The following CCDC170 variants were observed in gnomAD, a reference collection of about 807,000 sequenced individuals.
CCDC170 encodes the protein coiled-coil domain containing 170.
In CCDC170, 69 loss-of-function variants were observed where a neutral mutation model predicts 72.6. The ratio of observed to expected loss-of-function variants is 0.95; its 90% CI spans 0.78 to 1.16. CCDC170 has a LOEUF of 1.16. Among genes scored for constraint, CCDC170 ranks in the 50% most tolerant of loss-of-function variants. CCDC170 has a pLI of 0.00. For missense variants in CCDC170, 852 were observed against 832.5 expected (o/e 1.02, Z -0.29); for synonymous variants, 300 against 303.9 (o/e 0.99, Z 0.13).
chr6:151,497,283 A>G (rs1781924566), intron 1 of CCDC170, among the ~76,000 whole-genome samples: 1 of 152,224 alleles, frequency 6.6e-6, no homozygotes, highest in Non-Finnish European at 1.5e-5. Flanking sequence ...TGGGAGGCTG[A>G]GGTGGGAGGA....
At chr6:151,611,599 G>A (rs1488337394) in intron 9 of CCDC170, among the ~76,000 whole-genome samples, 6 of 148,690 alleles carry the variant, frequency 4.0e-5, no homozygotes, top group African/African-American at 1.5e-4. Flanking sequence ...TATCATCATT[G>A]TGGAGGTTAG....
intron 9 of CCDC170, among the ~76,000 whole-genome samples, chr6:151,606,943 T>C (rs1490051337): frequency 6.6e-6 from 1 of 152,168 alleles, no homozygotes; most frequent in African/African-American, 2.4e-5. Context: ...ATTTTGGCTT[T>C]TGTTTGCTGA....
chr6:151,542,346 T>C (rs4870035), intron 3 of CCDC170, among the ~76,000 whole-genome samples: 90,537 of 151,994 alleles, frequency 0.6, 29,856 homozygotes, highest in Admixed American at 0.72. Context: ...TTAGCCTCTT[T>C]TGTAGCTGAG....
At chr6:151,555,879 G>T (rs1172654360) in intron 5 of CCDC170, among the ~76,000 whole-genome samples, 1 of 152,198 alleles carries the variant, frequency 6.6e-6, no homozygotes, top group Non-Finnish European at 1.5e-5. Flanking sequence ...CTGTGAGGCT[G>T]GGGGAGTTCT....
intron 1 of CCDC170, among the ~76,000 whole-genome samples, chr6:151,509,704 A>G (rs916573594): frequency 6.6e-6 from 1 of 152,226 alleles, no homozygotes; most frequent in Non-Finnish European, 1.5e-5. Context: ...GCTTAACATT[A>G]CTTATGGAAA....
At chr6:151,605,048 GC>G (rs928882623) in intron 9 of CCDC170, among the ~76,000 whole-genome samples, 5 of 151,954 alleles carry the variant, frequency 3.3e-5, no homozygotes, top group Admixed American at 2.0e-4. Context: ...CCTGTGCCCT[GC>G]CCCCACCCTT....
chr6:151,604,013 T>C (rs1272067977), intron 9 of CCDC170, among the ~76,000 whole-genome samples: 2 of 152,208 alleles, frequency 1.3e-5, no homozygotes, highest in Non-Finnish European at 2.9e-5. Context: ...CTATATCATG[T>C]GGCCCAACCT....
chr6:151,520,445 C>A (rs934927134), intron 1 of CCDC170, among the ~76,000 whole-genome samples: 10 of 152,230 alleles, frequency 6.6e-5, no homozygotes, highest in Non-Finnish European at 1.3e-4. Flanking sequence ...TTTAAGCTGT[C>A]CTTGTTCCTT....
chr6:151,504,179 C>T (rs892189973), intron 1 of CCDC170, among the ~76,000 whole-genome samples: 7 of 152,022 alleles, frequency 4.6e-5, no homozygotes, highest in Admixed American at 3.3e-4. Flanking sequence ...TTGTAATATA[C>T]GCATAGAGAA....
Position 151,548,397 on chromosome 6 carries a change from A to G in CCDC170, c.682A>G (p.Ser228Gly), listed in dbSNP as rs747164248. Residue 228 changes from serine to glycine, a missense_variant, in exon 5 of 11, where the codon AGC becomes GGC. Ser to Gly is a moderately conservative substitution (Grantham distance 56). Transcript: ENST00000239374. ...INVHEMEAKA[S>G]RETIMRLASE... is the part of the protein sequence containing the mutation. ...TGTCCATGAGATGGAAGCAAAAGCT[A>G]GCAGAGAAACGATCATGAGGCTGGC... 1.2e-6 allele frequency: 2 copies of G among 1,613,182 alleles called. No homozygotes were observed. The highest frequency in any genetic ancestry group is 1.7e-6 in the Non-Finnish European group (2 of 1,179,384).
chr6:151,615,400 A>G, intron 9 of CCDC170, 43 bp from the exon 10 acceptor site: 3 of 1,365,662 alleles, frequency 2.2e-6, no homozygotes, highest in Non-Finnish European at 3.1e-6. Flanking sequence ...AGTTTTCCTA[A>G]CTAAATACAA....
chr6:151,596,230 T>G, intron 8 of CCDC170, 105 bp from the exon 9 acceptor site: 1 of 1,290,888 alleles, frequency 7.7e-7, no homozygotes, highest in East Asian at 2.6e-5. Flanking sequence ...GTTTACAAAT[T>G]ACTCTTATTG....
chr6:151,606,437 T>C (rs1278647778), intron 9 of CCDC170, among the ~76,000 whole-genome samples: 1 of 152,204 alleles, frequency 6.6e-6, no homozygotes, highest in Non-Finnish European at 1.5e-5. Flanking sequence ...TTCCAAAGTT[T>C]CTCTTGTGAT....
chr6:151,510,134 A>C (rs773660952), intron 1 of CCDC170, among the ~76,000 whole-genome samples: 1 of 152,068 alleles, frequency 6.6e-6, no homozygotes, highest in Non-Finnish European at 1.5e-5. Flanking sequence ...CAAGCCCATA[A>C]AACAAATAAA....
At chr6:151,580,840 C>A (rs752699699) in intron 6 of CCDC170, among the ~76,000 whole-genome samples, 1 of 152,028 alleles carries the variant, frequency 6.6e-6, no homozygotes, top group Non-Finnish European at 1.5e-5. Context: ...GAGACCACTG[C>A]GACAAAGCAA....
intron 5 of CCDC170, among the ~76,000 whole-genome samples, chr6:151,552,896 C>T (rs1230804675): frequency 6.7e-6 from 1 of 148,634 alleles, no homozygotes; most frequent in African/African-American, 2.5e-5. Flanking sequence ...AAGTGATTCT[C>T]CTGCCTCAGC....
At position 151,576,378 on chromosome 6, in the gene CCDC170, C is replaced by A. The variant is rs150880025; in HGVS notation, c.1092+2887C>A. On this transcript the variant is annotated intron_variant, in intron 6 of 10. Transcript: ENST00000239374. ...GTTGGGACACAACCTCACCATTCGT[C>A]GAGGAGCATCTGTACTTCAATAGCT... Among the ~76,000 whole-genome samples the A allele has an allele frequency of 1.8e-3, 265 of 151,392 alleles. 1 individual carries two copies. The highest frequency in any genetic ancestry group is 3.2e-3 in the Non-Finnish European group (217 of 67,960).
At chr6:151,546,748 G>A (rs1190328952) in intron 4 of CCDC170, among the ~76,000 whole-genome samples, 2 of 152,100 alleles carry the variant, frequency 1.3e-5, no homozygotes, top group Non-Finnish European at 2.9e-5. Flanking sequence ...AAAGCCTCTC[G>A]CCCGCTTTTC....
At chr6:151,602,572 T>C (rs1776724916) in intron 9 of CCDC170, among the ~76,000 whole-genome samples, 1 of 152,054 alleles carries the variant, frequency 6.6e-6, no homozygotes, top group Non-Finnish European at 1.5e-5. Context: ...TAGGAGCGGT[T>C]TTCCCCTTGC....
Sources: allele counts gnomAD v4.1 joint callset (sites outside exome capture counted in the v4.1 genomes callset), GRCh38; gene constraint gnomAD v4.1.1; transcripts MANE v1.5; gene names NCBI Gene and HGNC (gene_info 2026-07-23, HGNC 2026-07-21).